The following DIP2C variants were observed in gnomAD, a reference collection of about 807,000 sequenced individuals.
DIP2C encodes the protein disco-interacting protein 2 homolog C.
DIP2C carries 33 observed loss-of-function variants against 192.4 expected under a neutral mutation model. The observed-to-expected ratio is 0.17, with a 90% CI of 0.13 to 0.23. DIP2C has a LOEUF of 0.23. Among genes scored for constraint, DIP2C ranks in the 10% least tolerant of loss-of-function variants. The pLI is 1.00. For missense variants in DIP2C, 1,537 were observed against 2,110.1 expected, an observed-to-expected ratio of 0.73 and a Z score of 5.32; for synonymous variants, 979 against 864.1, an observed-to-expected ratio of 1.13 and a Z score of -2.33.
chr10:374,672 A>G (rs1047985625), intron 17 of DIP2C, among the ~76,000 whole-genome samples: 16 of 152,232 alleles, frequency 1.1e-4, no homozygotes, highest in South Asian at 2.1e-4. Flanking sequence ...TCAGTAAAAC[A>G]CCATTTGTTG....
At chr10:570,240 GATC>G (rs1354201552) in intron 1 of DIP2C, among the ~76,000 whole-genome samples, 1 of 152,164 alleles carries the variant, frequency 6.6e-6, no homozygotes, top group Non-Finnish European at 1.5e-5. Flanking sequence ...ACACTATGTA[GATC>G]ATCTCATTTA....
At chr10:580,585 T>C (rs1435387555) in intron 1 of DIP2C, among the ~76,000 whole-genome samples, 2 of 152,208 alleles carry the variant, frequency 1.3e-5, no homozygotes, top group Non-Finnish European at 2.9e-5. Context: ...GTAGTGTACA[T>C]ACCTATACAT....
At chr10:326,713 A>C (rs1385879775) in intron 31 of DIP2C, among the ~76,000 whole-genome samples, 2 of 152,226 alleles carry the variant, frequency 1.3e-5, no homozygotes, top group Non-Finnish European at 1.5e-5. Context: ...TCTAGTATCT[A>C]ATCTTTAAAA....
At chr10:581,977 G>A (rs1330169546) in intron 1 of DIP2C, among the ~76,000 whole-genome samples, 1 of 151,596 alleles carries the variant, frequency 6.6e-6, no homozygotes, top group Non-Finnish European at 1.5e-5. Flanking sequence ...GTCAGGCATT[G>A]GATCCTCATA....
intron 24 of DIP2C, among the ~76,000 whole-genome samples, chr10:352,846 C>T (rs1026045906): frequency 1.3e-5 from 2 of 152,214 alleles, no homozygotes; most frequent in Non-Finnish European, 1.5e-5. Context: ...ACACACGTGA[C>T]ACTGTTCCTC....
intron 1 of DIP2C, among the ~76,000 whole-genome samples, chr10:579,472 C>T (rs75429350): frequency 0.036 from 5,392 of 151,626 alleles, 325 homozygotes; most frequent in African/African-American, 0.12. Flanking sequence ...TACACACATA[C>T]AGATCCAGTG....
intron 3 of DIP2C, among the ~76,000 whole-genome samples, chr10:466,841 G>T (rs11252584): frequency 0.32 from 36,385 of 112,396 alleles, 7,006 homozygotes; most frequent in East Asian, 0.52. Flanking sequence ...AGATATCATC[G>T]CACACCAGTT....
chr10:386,407 G>C (rs1365408527), intron 14 of DIP2C, among the ~76,000 whole-genome samples: 1 of 152,204 alleles, frequency 6.6e-6, no homozygotes, highest in Non-Finnish European at 1.5e-5. Flanking sequence ...CACAAGCCCA[G>C]GTCCTCCAAT....
chr10:611,176 G>T (rs192987449), intron 1 of DIP2C, among the ~76,000 whole-genome samples: 5 of 143,190 alleles, frequency 3.5e-5, no homozygotes, highest in Admixed American at 1.5e-4. Flanking sequence ...CTGGTTGTTT[G>T]AAAGTGCATG....
rs529956700 is a variant in DIP2C at position 459,677 on chromosome 10, G to A, written c.268+12762C>T. Among the ~76,000 whole-genome samples, 23 of 145,442 alleles carry A rather than the reference G, an allele frequency of 1.6e-4. 1 individual carries two copies. The East Asian group carries it at 2.5e-3, about 16-fold the overall frequency. ...CTTCCTCCCAGTCACATCAGGGAAC[G>A]GCGTGCTGCACGTGGGCTCTAGGAT... is the stretch of plus-strand genomic sequence containing the variant. On this transcript the variant is annotated intron_variant, in intron 3 of 36. Coordinates refer to ENST00000280886, the MANE Select transcript of DIP2C (RefSeq NM_014974.3).
At chr10:688,081 G>T (rs1377557468) in intron 1 of DIP2C, among the ~76,000 whole-genome samples, 1 of 152,184 alleles carries the variant, frequency 6.6e-6, no homozygotes, top group East Asian at 1.9e-4. Context: ...TTTTGCAAAT[G>T]ATACACTCCT....
intron 6 of DIP2C, among the ~76,000 whole-genome samples, chr10:417,659 T>TCAGGG (rs1564684590): frequency 8.2e-4 from 8 of 9,776 alleles, no homozygotes; most frequent in Non-Finnish European, 1.7e-3. Context: ...TGTCCACCTG[T>TCAGGG]TCCTGTCAGG....
At chr10:446,873 T>C (rs1463117263) in intron 3 of DIP2C, among the ~76,000 whole-genome samples, 3 of 152,114 alleles carry the variant, frequency 2.0e-5, no homozygotes, top group Non-Finnish European at 2.9e-5. Flanking sequence ...GTGAATTACA[T>C]TGATTTTTGA....
At chr10:648,540 G>C (rs71489270) in intron 1 of DIP2C, among the ~76,000 whole-genome samples, 6 of 149,796 alleles carry the variant, frequency 4.0e-5, no homozygotes, top group Non-Finnish European at 7.4e-5. Context: ...AGAACAGAGG[G>C]AAACTGAGTC....
intron 32 of DIP2C, among the ~76,000 whole-genome samples, chr10:291,503 G>A (rs1955497225): frequency 6.6e-6 from 1 of 152,214 alleles, no homozygotes; most frequent in African/African-American, 2.4e-5. Flanking sequence ...AAGGGCAGAA[G>A]AGATGTCTTC....
chr10:567,587 A>AAC (rs886112592), intron 1 of DIP2C, among the ~76,000 whole-genome samples: 2 of 152,198 alleles, frequency 1.3e-5, no homozygotes, highest in African/African-American at 4.8e-5. Flanking sequence ...CTGCCAAACA[A>AAC]ACATTCTCTC....
At chr10:371,148 T>C (rs1034608425) in intron 17 of DIP2C, among the ~76,000 whole-genome samples, 4 of 52,800 alleles carry the variant, frequency 7.6e-5, no homozygotes, top group Admixed American at 6.2e-4. Context: ...CCTGCCACCA[T>C]CCCCTCACCC....
At chr10:426,952 T>A (rs907516767) in intron 4 of DIP2C, among the ~76,000 whole-genome samples, 33 of 152,188 alleles carry the variant, frequency 2.2e-4, no homozygotes, top group African/African-American at 8.0e-4. Flanking sequence ...CTATGAGACT[T>A]CTAAAACTTC....
chr10:625,460 A>G (rs1854137206), intron 1 of DIP2C, among the ~76,000 whole-genome samples: 2 of 152,194 alleles, frequency 1.3e-5, no homozygotes, highest in Admixed American at 1.3e-4. Flanking sequence ...GCTCCCTGTG[A>G]AAGGCCGCGA....
Sources: allele counts gnomAD v4.1 joint callset (sites outside exome capture counted in the v4.1 genomes callset), GRCh38; gene constraint gnomAD v4.1.1; transcripts MANE v1.5; gene names NCBI Gene and HGNC (gene_info 2026-07-23, HGNC 2026-07-21).